The following DPP6 variants were observed in gnomAD, a reference collection of about 807,000 sequenced individuals.
DPP6 encodes the protein A-type potassium channel modulatory protein DPP6.
A neutral mutation model predicts 122.6 loss-of-function variants in DPP6; 69 were observed. The observed-to-expected ratio is 0.56, with a 90% CI of 0.46 to 0.69. The LOEUF is 0.69. DPP6 is among the 30% of genes least tolerant of loss of function. The probability of loss-of-function intolerance (pLI) is 0.00; values close to 1 mark genes in which losing one functional copy is unlikely to be tolerated. For missense variants in DPP6, 928 were observed against 1,116.9 expected, an observed-to-expected ratio of 0.83 and a Z score of 2.41; for synonymous variants, 418 against 433.1, an observed-to-expected ratio of 0.97 and a Z score of 0.43.
intron 1 of DPP6, among the ~76,000 whole-genome samples, chr7:154,273,830 G>T (rs1470631839): frequency 6.6e-6 from 1 of 152,202 alleles, no homozygotes; most frequent in Non-Finnish European, 1.5e-5. Flanking sequence ...ACAATTAGGA[G>T]AAAAATTGGA....
chr7:154,254,740 G>T (rs1217220408), intron 1 of DPP6, among the ~76,000 whole-genome samples: 1 of 152,044 alleles, frequency 6.6e-6, no homozygotes, highest in Admixed American at 6.5e-5. Context: ...TTTTCACTGG[G>T]TTAGGAATTT....
At chr7:153,964,654 G>A (rs965278622) in intron 1 of DPP6, among the ~76,000 whole-genome samples, 8 of 152,150 alleles carry the variant, frequency 5.3e-5, no homozygotes, top group African/African-American at 9.7e-5. Flanking sequence ...GGCCACCGGC[G>A]CCAACATCCT....
intron 1 of DPP6, among the ~76,000 whole-genome samples, chr7:154,267,497 C>G (rs968128463): frequency 6.6e-6 from 1 of 150,492 alleles, no homozygotes; most frequent in African/African-American, 2.4e-5. Context: ...TGTGTACACA[C>G]ACACATATAT....
At position 154,282,323 on chromosome 7, in the gene DPP6, C is replaced by T. The variant is rs1259527921; in HGVS notation, c.244-163891C>T. On this transcript the variant is annotated intron_variant, in intron 1 of 25. Transcript: ENST00000377770. The surrounding 1 kb of genome is among the most constrained non-coding windows in gnomAD (Gnocchi z 4.8). ...TGCAGGGACATGCTTCTCAGGTGGCCTCTGGATACACGTGTCCTTTGTGGC... is the reference window on the plus strand; with the variant it reads ...TGCAGGGACATGCTTCTCAGGTGGCTTCTGGATACACGTGTCCTTTGTGGC... Among the ~76,000 whole-genome samples the T allele has an allele frequency of 6.6e-6, 1 of 152,140 alleles. No homozygotes were observed. Among genetic ancestry groups the T allele is most frequent in the Non-Finnish European group, 1.5e-5 (1 of 68,038 alleles).
At chr7:154,242,335 C>G (rs1025907643) in intron 1 of DPP6, among the ~76,000 whole-genome samples, 5 of 152,004 alleles carry the variant, frequency 3.3e-5, no homozygotes, top group Admixed American at 3.3e-4. Flanking sequence ...AACTGACAGA[C>G]TTTGTAGAAT....
At chr7:154,850,161 C>G (rs1802258436) in intron 16 of DPP6, among the ~76,000 whole-genome samples, 1 of 152,102 alleles carries the variant, frequency 6.6e-6, no homozygotes, top group African/African-American at 2.4e-5. Context: ...ACACTGAACC[C>G]AATTTGTAGT....
chr7:153,933,361 C>T (rs1193889307), intron 1 of DPP6, among the ~76,000 whole-genome samples: 1 of 152,158 alleles, frequency 6.6e-6, no homozygotes, highest in African/African-American at 2.4e-5. Context: ...TACAGGCACT[C>T]CCAGGAAGGG....
chr7:154,182,890 AGGTTCTT>A (rs1310502522), intron 1 of DPP6, among the ~76,000 whole-genome samples: 1 of 151,926 alleles, frequency 6.6e-6, no homozygotes, highest in African/African-American at 2.4e-5. Context: ...TCCCAGAAAT[AGGTTCTT>A]GGTTCTCATT....
intron 1 of DPP6, among the ~76,000 whole-genome samples, chr7:154,224,378 C>T (rs1472375831): frequency 6.7e-6 from 1 of 148,306 alleles, no homozygotes; most frequent in Non-Finnish European, 1.5e-5. Flanking sequence ...GCAAGGTGAC[C>T]CACTGATTTT....
intron 1 of DPP6, among the ~76,000 whole-genome samples, chr7:154,262,347 T>C (rs1305941744): frequency 5.9e-5 from 9 of 152,148 alleles, no homozygotes; most frequent in Non-Finnish European, 1.0e-4. Context: ...AATGAGGCCA[T>C]AGAGGTGGAA....
chr7:154,887,977 G>A (rs1806299727), intron 23 of DPP6, among the ~76,000 whole-genome samples: 1 of 152,074 alleles, frequency 6.6e-6, no homozygotes, highest in South Asian at 2.1e-4. Flanking sequence ...GAGGAAGAAA[G>A]TAAGAGGATA....
In DPP6 at chr7:154,669,430, G is replaced by A. The variant is rs1374063766; in HGVS notation, c.751G>A (p.Gly251Ser). Reference sequence around the variant, plus strand: ...TCAGTATGCAGGATGGGGCCCTAAAGGCCAACAGCTGGTAAGCCAATCAAG... The same window carrying A: ...TCAGTATGCAGGATGGGGCCCTAAAAGCCAACAGCTGGTAAGCCAATCAAG... ...KLQYAGWGPK[G>S]QQLIFIFENN... The change falls in exon 7 of 26, where the codon GGC becomes AGC. Residue 251 changes from glycine to serine, a missense_variant. Physicochemically the swap from Gly to Ser is moderately conservative, Grantham distance 56. Transcript: ENST00000377770. 6.4e-7 allele frequency: 1 copy of A among 1,553,996 alleles called. No individual in the cohort carries two copies. The highest frequency in any genetic ancestry group is 8.7e-7 in the Non-Finnish European group (1 of 1,148,342).
intron 2 of DPP6, among the ~76,000 whole-genome samples, chr7:154,451,225 G>C (rs1353204290): frequency 6.6e-6 from 1 of 152,062 alleles, no homozygotes; most frequent in Non-Finnish European, 1.5e-5. Flanking sequence ...GCTGGGCTTG[G>C]TGGCAGGTGC....
rs1216951073 is a variant in DPP6, at chr7:154,624,653, C to T, written c.628-13168C>T. On this transcript the variant is annotated intron_variant, in intron 5 of 25. Coordinates refer to ENST00000377770, the MANE Select transcript of DPP6 (RefSeq NM_130797.4). This position sits in a 1 kb window ranked among gnomAD's most constrained non-coding sequence, Gnocchi z 4.7. ...GGTGGTCAGGTACCTTGCTGCTCTGCACACAAACAATAGAAAGCAATGGAG... is the reference window on the plus strand; with the variant it reads ...GGTGGTCAGGTACCTTGCTGCTCTGTACACAAACAATAGAAAGCAATGGAG... 6.6e-6 allele frequency among the ~76,000 whole-genome samples: 1 copy of T among 152,124 alleles called. No individual in the cohort carries two copies. Among genetic ancestry groups the T allele is most frequent in the South Asian group, 2.1e-4 (1 of 4,828 alleles).
chr7:153,924,157 C>T (rs567439867), intron 1 of DPP6, among the ~76,000 whole-genome samples: 28 of 151,730 alleles, frequency 1.8e-4, no homozygotes, highest in African/African-American at 6.8e-4. Flanking sequence ...TGCTCTGTCA[C>T]CAGGCTGGAG....
At chr7:154,084,989 CAAAAA>C (rs370222780) in intron 1 of DPP6, among the ~76,000 whole-genome samples, 10 of 78,434 alleles carry the variant, frequency 1.3e-4, no homozygotes, top group African/African-American at 4.8e-4. Context: ...GACTCCGTCT[CAAAAA>C]AAAAAAAAAA....
the DPP6 span, among the ~76,000 whole-genome samples, chr7:153,820,490 C>G: frequency 1.3e-5 from 2 of 152,204 alleles, no homozygotes; most frequent in African/African-American, 4.8e-5. Flanking sequence ...CCTTGAACAT[C>G]CATCATCTCT....
intron 1 of DPP6, among the ~76,000 whole-genome samples, chr7:154,174,032 C>G (rs950862609): frequency 2.0e-5 from 3 of 152,208 alleles, no homozygotes; most frequent in African/African-American, 7.2e-5. Context: ...CCCCCACGTG[C>G]CTCTCTACCA....
At chr7:154,881,829 G>A (rs571357878) in intron 21 of DPP6, among the ~76,000 whole-genome samples, 6 of 152,302 alleles carry the variant, frequency 3.9e-5, no homozygotes, top group South Asian at 4.1e-4. Flanking sequence ...GAGGAGGGCC[G>A]GCGGCTTCTC....
Sources: gnomAD v4.1 joint callset for allele counts (sites outside exome capture counted in the v4.1 genomes callset) on GRCh38, gnomAD v4.1.1 for gene constraint, Gnocchi (gnomAD v3.1) non-coding constraint, MANE v1.5 for transcripts, NCBI Gene and HGNC (gene_info 2026-07-23, HGNC 2026-07-21) for gene names.